Variants in PCSK5 observed in about 807,000 individuals in gnomAD.
PCSK5 encodes the protein prohormone convertase 5.
In PCSK5, 129 loss-of-function variants were observed where a neutral mutation model predicts 233.2. The ratio of observed to expected loss-of-function variants is 0.55; its 90% CI spans 0.48 to 0.64. PCSK5 has a LOEUF of 0.64. Among genes scored for constraint, PCSK5 ranks in the 30% least tolerant of loss-of-function variants. PCSK5 has a pLI of 0.00. For synonymous variants in PCSK5, 825 were observed against 879.2 expected, an observed-to-expected ratio of 0.94 and a Z score of 1.09; for missense variants, 2,076 against 2,430.1, an observed-to-expected ratio of 0.85 and a Z score of 3.06.
At chr9:76,064,324 T>C (rs1587575348) in intron 5 of PCSK5, among the ~76,000 whole-genome samples, 1 of 76,746 alleles carries the variant, frequency 1.3e-5, no homozygotes, top group Admixed American at 1.2e-4. Flanking sequence ...GAGGCGCCCC[T>C]CACCTCCCGG....
intron 36 of PCSK5, among the ~76,000 whole-genome samples, chr9:76,352,476 C>T (rs1371702455): frequency 2.0e-5 from 3 of 152,062 alleles, no homozygotes; most frequent in Non-Finnish European, 4.4e-5. Flanking sequence ...TTTACCCAGC[C>T]CCTATTCAAG....
chr9:75,903,372 T>C (rs1365403393), intron 1 of PCSK5, among the ~76,000 whole-genome samples: 1 of 151,768 alleles, frequency 6.6e-6, no homozygotes, highest in Non-Finnish European at 1.5e-5. Flanking sequence ...GTTTCTATTT[T>C]AATTTTCTAT....
At chr9:76,250,301 A>G (rs1334321941) in intron 24 of PCSK5, among the ~76,000 whole-genome samples, 1 of 152,212 alleles carries the variant, frequency 6.6e-6, no homozygotes, top group Admixed American at 6.5e-5. Flanking sequence ...ACTCTGTCTC[A>G]AAATAAGAAA....
At chr9:76,090,650 A>G (rs1287782646) in intron 7 of PCSK5, among the ~76,000 whole-genome samples, 1 of 152,194 alleles carries the variant, frequency 6.6e-6, no homozygotes, top group African/African-American at 2.4e-5. Context: ...AACAGCACAG[A>G]CTGGGTGGCT....
At chr9:76,147,367 G>T (rs115276148) in intron 10 of PCSK5, among the ~76,000 whole-genome samples, 1,536 of 152,214 alleles carry the variant, frequency 0.01, 22 homozygotes, top group African/African-American at 0.035. Context: ...TTTTGCTCCT[G>T]GCATGAGGGA....
intron 1 of PCSK5, among the ~76,000 whole-genome samples, chr9:75,931,345 C>A (rs1302333305): frequency 6.6e-6 from 1 of 150,956 alleles, no homozygotes; most frequent in Non-Finnish European, 1.5e-5. Flanking sequence ...AGGGCAGAGC[C>A]GTGGATGTCC....
intron 36 of PCSK5, among the ~76,000 whole-genome samples, chr9:76,352,933 C>T (rs988518004): frequency 2.0e-5 from 3 of 151,704 alleles, no homozygotes; most frequent in Non-Finnish European, 4.4e-5. Context: ...CCTGTAGTCC[C>T]AGCTACTTGT....
chr9:76,012,800 G>A (rs959237685), intron 3 of PCSK5, among the ~76,000 whole-genome samples: 1 of 152,180 alleles, frequency 6.6e-6, no homozygotes, highest in Non-Finnish European at 1.5e-5. Context: ...TATGGTCCAT[G>A]TGGGTCTTAA....
chr9:76,009,629 GA>G (rs71499123), intron 3 of PCSK5, among the ~76,000 whole-genome samples: 96 of 123,272 alleles, frequency 7.8e-4, no homozygotes, highest in African/African-American at 1.4e-3. Context: ...CCGTCTCAAG[GA>G]AAAAAAAAAA....
At chr9:75,986,845 A>G (rs959545766) in intron 3 of PCSK5, among the ~76,000 whole-genome samples, 22 of 152,134 alleles carry the variant, frequency 1.4e-4, no homozygotes, top group Non-Finnish European at 1.5e-5. Context: ...AGAGTAATCC[A>G]CCAGTTTACT....
At chr9:76,121,814 G>GTTTT (rs568155033) in intron 9 of PCSK5, among the ~76,000 whole-genome samples, 2 of 61,756 alleles carry the variant, frequency 3.2e-5, no homozygotes, top group Admixed American at 2.3e-4. Context: ...TCTTGTATTG[G>GTTTT]TTTTTTTTTT....
chr9:76,261,005 A>T (rs1304072029), intron 24 of PCSK5, among the ~76,000 whole-genome samples: 3 of 152,178 alleles, frequency 2.0e-5, no homozygotes, highest in Non-Finnish European at 4.4e-5. Flanking sequence ...ACTCCATTTC[A>T]TGCCTATCCT....
At chr9:75,973,711 T>C (rs1825896863) in intron 2 of PCSK5, among the ~76,000 whole-genome samples, 1 of 152,138 alleles carries the variant, frequency 6.6e-6, no homozygotes, top group South Asian at 2.1e-4. Flanking sequence ...ACAAAATCTT[T>C]AAAGAGTAAA....
intron 5 of PCSK5, among the ~76,000 whole-genome samples, chr9:76,050,862 C>T (rs1829603149): frequency 6.6e-6 from 1 of 152,042 alleles, no homozygotes; most frequent in Admixed American, 6.6e-5. Context: ...CAAGAGAGTC[C>T]AGCAATCCCA....
Position 76,026,941 on chromosome 9 carries a change from T to C in PCSK5, c.556-20T>C. On this transcript the variant is annotated intron_variant, in intron 4 of 37. Coordinates refer to ENST00000674117, the MANE Select transcript of PCSK5 (RefSeq NM_001372043.1). ...TGAATGTCCATTTCCTTTCCCTTGCTCTCTCCTCTGTGGCCATAGGATGCT... is the reference window on the plus strand; with the variant it reads ...TGAATGTCCATTTCCTTTCCCTTGCCCTCTCCTCTGTGGCCATAGGATGCT... 1 of 1,577,274 alleles carries C rather than the reference T, an allele frequency of 6.3e-7. No homozygotes were observed. Among genetic ancestry groups the C allele is most frequent in the Non-Finnish European group, 8.7e-7 (1 of 1,150,134 alleles).
chr9:76,121,428 T>C (rs962174440), intron 9 of PCSK5, among the ~76,000 whole-genome samples: 2 of 152,226 alleles, frequency 1.3e-5, no homozygotes, highest in Non-Finnish European at 2.9e-5. Flanking sequence ...ACCTAATGTG[T>C]GTGTATATAT....
At chr9:76,150,727 G>A (rs1435609095) in intron 10 of PCSK5, among the ~76,000 whole-genome samples, 1 of 152,200 alleles carries the variant, frequency 6.6e-6, no homozygotes, top group Admixed American at 6.5e-5. Flanking sequence ...TTTTTGCACT[G>A]AGCAGCAGAA....
At chr9:76,152,844 T>C (rs761896933) in intron 10 of PCSK5, among the ~76,000 whole-genome samples, 6 of 152,214 alleles carry the variant, frequency 3.9e-5, no homozygotes, top group Non-Finnish European at 8.8e-5. Flanking sequence ...ATTAACTGAA[T>C]CTGCTTTCAA....
intron 17 of PCSK5, among the ~76,000 whole-genome samples, chr9:76,187,502 C>CG (rs1463340637): frequency 1.1e-4 from 17 of 152,168 alleles, no homozygotes; most frequent in African/African-American, 4.1e-4. Flanking sequence ...GCTGGGACTG[C>CG]AGGCAGGCAC....
Sources: gnomAD v4.1 joint callset for allele counts (sites outside exome capture counted in the v4.1 genomes callset) on GRCh38, gnomAD v4.1.1 for gene constraint, MANE v1.5 for transcripts, NCBI Gene and HGNC (gene_info 2026-07-23, HGNC 2026-07-21) for gene names.